The following PRMT3 variants were observed in gnomAD, a reference collection of about 807,000 sequenced individuals.
PRMT3 encodes the protein protein arginine methyltransferase 3, also known as protein arginine N-methyltransferase 3.
Under a neutral mutation model 71.9 loss-of-function variants are expected in PRMT3, and 62 were observed. That is an observed-to-expected ratio of 0.86 (90% CI 0.70 to 1.07). The LOEUF (loss-of-function observed/expected upper bound fraction) is 1.07, where lower values mean the gene tolerates loss of function less well. PRMT3 is among the 50% of genes least tolerant of loss of function. PRMT3 has a pLI of 0.00. For missense variants in PRMT3, 663 were observed against 643.0 expected (o/e 1.03, Z -0.34); for synonymous variants, 213 against 220.4 (o/e 0.97, Z 0.30).
chr11:20,489,439 A>G (rs2133447139), intron 13 of PRMT3, among the ~76,000 whole-genome samples: 1 of 152,304 alleles, frequency 6.6e-6, no homozygotes, highest in African/African-American at 2.4e-5. Context: ...TTGTAGCTCC[A>G]GTTAGTTATT....
intron 5 of PRMT3, among the ~76,000 whole-genome samples, chr11:20,394,627 T>G (rs1466353717): frequency 6.6e-6 from 1 of 152,180 alleles, no homozygotes; most frequent in Admixed American, 6.5e-5. Flanking sequence ...TAAGATCTAT[T>G]GTCTGCAAAT....
intron 9 of PRMT3, among the ~76,000 whole-genome samples, chr11:20,424,962 G>A (rs1849512928): frequency 6.6e-6 from 1 of 152,124 alleles, no homozygotes; most frequent in African/African-American, 2.4e-5. Context: ...ATATTAGCCA[G>A]GCATGGTGTC....
chr11:20,420,452 C>G (rs1482259832), intron 9 of PRMT3, among the ~76,000 whole-genome samples: 2 of 152,182 alleles, frequency 1.3e-5, no homozygotes, highest in Non-Finnish European at 2.9e-5. Context: ...GGAATTGGGC[C>G]ACACAGCAGG....
intron 8 of PRMT3, among the ~76,000 whole-genome samples, chr11:20,404,726 A>C (rs1395027088): frequency 6.6e-6 from 1 of 152,208 alleles, no homozygotes; most frequent in Non-Finnish European, 1.5e-5. Context: ...GAGAATCACT[A>C]ATCCTGGCTA....
intron 9 of PRMT3, among the ~76,000 whole-genome samples, chr11:20,415,017 G>GGTGTGTGT (rs377570784): frequency 0.059 from 8,029 of 135,286 alleles, 300 homozygotes; most frequent in African/African-American, 0.088. Flanking sequence ...TGGTGGTAGT[G>GGTGTGTGT]GTGTGTGTGT....
At chr11:20,399,096 G>A (rs765924523) in intron 7 of PRMT3, among the ~76,000 whole-genome samples, 2 of 152,156 alleles carry the variant, frequency 1.3e-5, no homozygotes, top group African/African-American at 4.8e-5. Flanking sequence ...ATGTTGGAAC[G>A]TAAAATTGAA....
intron 7 of PRMT3, among the ~76,000 whole-genome samples, chr11:20,402,616 C>A (rs1436828070): frequency 7.0e-6 from 1 of 143,466 alleles, no homozygotes; most frequent in Non-Finnish European, 1.5e-5. Context: ...ACATGTTCAT[C>A]TTTTATTAGC....
At position 20,404,235 on chromosome 11, in the gene PRMT3, T is replaced by G. The variant is rs1306763470; in HGVS notation, c.771+1251T>G. Among the ~76,000 whole-genome samples the G allele has an allele frequency of 3.0e-4, 35 of 114,950 alleles. 1 individual carries two copies. Among genetic ancestry groups the G allele is most frequent in the Admixed American group, 1.4e-3 (16 of 11,068 alleles). 75.4% of individuals were successfully genotyped at this position (114,950 alleles called of 152,430 possible). ...AGTTTTTTTTTTTTTTTTTTTTTTTTTTTTTTTTTTTTTTTTTGAGACAGA... is the reference window on the plus strand; with the variant it reads ...AGTTTTTTTTTTTTTTTTTTTTTTTGTTTTTTTTTTTTTTTTTGAGACAGA... On this transcript the variant is annotated intron_variant, in intron 8 of 15. Transcript: ENST00000331079.
intron 15 of PRMT3, among the ~76,000 whole-genome samples, chr11:20,497,685 T>A (rs1435699167): frequency 6.6e-6 from 1 of 152,130 alleles, no homozygotes; most frequent in Admixed American, 6.6e-5. Context: ...AGTAATAAGA[T>A]GTGTATATGT....
At chr11:20,467,339 A>T (rs1291959171) in intron 13 of PRMT3, among the ~76,000 whole-genome samples, 1 of 152,202 alleles carries the variant, frequency 6.6e-6, no homozygotes, top group Non-Finnish European at 1.5e-5. Context: ...ACCATTTGAG[A>T]TGAGTACTCA....
chr11:20,426,333 T>C (rs1342786949), intron 9 of PRMT3, among the ~76,000 whole-genome samples: 1 of 152,224 alleles, frequency 6.6e-6, no homozygotes, highest in African/African-American at 2.4e-5. Flanking sequence ...GAAGATCACA[T>C]AGCTGACAAA....
intron 11 of PRMT3, among the ~76,000 whole-genome samples, chr11:20,457,027 AC>A (rs1410434092): frequency 1.3e-5 from 2 of 151,980 alleles, no homozygotes; most frequent in African/African-American, 2.4e-5. Flanking sequence ...GCGCCCTGCC[AC>A]CACGTCCAGC....
At chr11:20,406,855 G>A (rs1371552162) in intron 8 of PRMT3, 1 of 152,026 alleles carries the variant, frequency 6.6e-6, no homozygotes, top group East Asian at 1.9e-4. Flanking sequence ...TTGGTGTGAG[G>A]TGATATTTAT....
intron 15 of PRMT3, among the ~76,000 whole-genome samples, chr11:20,504,707 TGAGAGAGAGAGAGAGAGA>T (rs57201745): frequency 7.5e-5 from 10 of 133,646 alleles, no homozygotes; most frequent in South Asian, 2.4e-4. Context: ...TGTGTGTGTG[TGAGAGAGAGAGAGAGAGA>T]GAGAGAGAGA....
chr11:20,425,597 A>G (rs1849529134), intron 9 of PRMT3, among the ~76,000 whole-genome samples: 1 of 152,238 alleles, frequency 6.6e-6, no homozygotes, highest in African/African-American at 2.4e-5. Context: ...GATATACACA[A>G]AAGCATACAT....
intron 10 of PRMT3, among the ~76,000 whole-genome samples, chr11:20,451,724 A>G (rs1850153311): frequency 6.6e-6 from 1 of 152,068 alleles, no homozygotes; most frequent in Non-Finnish European, 1.5e-5. Flanking sequence ...GCAACAATCA[A>G]AAATTACTCA....
chr11:20,409,654 A>ATCACACAC (rs1555008187), intron 9 of PRMT3, among the ~76,000 whole-genome samples: 1 of 144,238 alleles, frequency 6.9e-6, no homozygotes, highest in Non-Finnish European at 1.5e-5. Flanking sequence ...GGAATACACA[A>ATCACACAC]ACACACACAC....
intron 9 of PRMT3, among the ~76,000 whole-genome samples, chr11:20,413,439 C>T (rs1386584150): frequency 6.6e-6 from 1 of 152,074 alleles, no homozygotes; most frequent in African/African-American, 2.4e-5. Flanking sequence ...CTGATTTCTT[C>T]ATTTATAAAA....
rs559750578 is a variant in PRMT3 at position 20,500,584 on chromosome 11, T to C, written c.1486+6330T>C. ...ATAACAAATAATCCAGAAATAGACC[T>C]GCTCTTGTATAATTAAATTTTTACA... On this transcript the variant is annotated intron_variant, in intron 15 of 15. Transcript: ENST00000331079. Among the ~76,000 whole-genome samples, 5 of 152,346 alleles carry C rather than the reference T, an allele frequency of 3.3e-5. No homozygotes were observed. In the South Asian group the frequency reaches 1.0e-3, roughly 32 times the overall value.
Sources: allele counts gnomAD v4.1 joint callset (sites outside exome capture counted in the v4.1 genomes callset), GRCh38; gene constraint gnomAD v4.1.1; transcripts MANE v1.5; gene names NCBI Gene and HGNC (gene_info 2026-07-23, HGNC 2026-07-21).